The following TENM3 variants were observed in gnomAD, a reference collection of about 807,000 sequenced individuals.
The protein encoded by TENM3 is teneurin transmembrane protein 3.
A neutral mutation model predicts 255.1 loss-of-function variants in TENM3; 63 were observed. That is an observed-to-expected ratio of 0.25 (90% CI 0.20 to 0.30). The LOEUF is 0.30. TENM3 is among the 10% of genes least tolerant of loss of function. The pLI is 1.00. For missense variants in TENM3, 2,929 were observed against 3,461.1 expected (o/e 0.85, Z 3.86); for synonymous variants, 1,306 against 1,322.3 (o/e 0.99, Z 0.27).
chr4:181,763,908 C>T, the TENM3 span, among the ~76,000 whole-genome samples: 3 of 152,184 alleles, frequency 2.0e-5, no homozygotes, highest in South Asian at 2.1e-4. Context: ...TGTTGACATA[C>T]ACATTGGCAG....
At chr4:181,750,327 A>G in the TENM3 span, among the ~76,000 whole-genome samples, 1 of 152,152 alleles carries the variant, frequency 6.6e-6, no homozygotes, top group Non-Finnish European at 1.5e-5. Context: ...AAATGATGAA[A>G]AAGTTAGGGA....
intron 3 of TENM3, among the ~76,000 whole-genome samples, chr4:182,360,211 G>A (rs2150770448): frequency 7.6e-6 from 1 of 132,370 alleles, no homozygotes; most frequent in South Asian, 2.9e-4. Flanking sequence ...ATTTGGGGTG[G>A]AGAGTTCTGT....
At chr4:181,800,572 G>T in the TENM3 span, among the ~76,000 whole-genome samples, 1 of 152,138 alleles carries the variant, frequency 6.6e-6, no homozygotes, top group Non-Finnish European at 1.5e-5. Flanking sequence ...GGTGGAGGTT[G>T]CAGTGAGCCG....
intron 1 of TENM3, among the ~76,000 whole-genome samples, chr4:182,149,620 A>G (rs534714383): frequency 4.1e-4 from 62 of 152,020 alleles, no homozygotes; most frequent in Non-Finnish European, 7.5e-4. Context: ...GGAATCTTGG[A>G]AGAGCTAGGA....
the TENM3 span, among the ~76,000 whole-genome samples, chr4:181,758,310 GAGA>G: frequency 1.3e-5 from 2 of 152,212 alleles, no homozygotes; most frequent in African/African-American, 4.8e-5. Context: ...CAGGGGAAGG[GAGA>G]AGGAGGCTTC....
At chr4:181,525,275 G>A in the TENM3 span, among the ~76,000 whole-genome samples, 693 of 151,938 alleles carry the variant, frequency 4.6e-3, no homozygotes, top group African/African-American at 0.014. Flanking sequence ...GCCAGGTGTG[G>A]TAGCAGACAC....
the TENM3 span, among the ~76,000 whole-genome samples, chr4:182,064,849 A>T: frequency 1.3e-5 from 2 of 152,110 alleles, no homozygotes; most frequent in African/African-American, 4.8e-5. Flanking sequence ...GATTGTAGCT[A>T]ACTCCCTACA....
At chr4:181,894,230 G>C in the TENM3 span, among the ~76,000 whole-genome samples, 1 of 152,130 alleles carries the variant, frequency 6.6e-6, no homozygotes, top group African/African-American at 2.4e-5. Context: ...TTTAACTTAA[G>C]CCTACATTCT....
chr4:181,555,158 C>T, the TENM3 span, among the ~76,000 whole-genome samples: 1 of 152,152 alleles, frequency 6.6e-6, no homozygotes, highest in African/African-American at 2.4e-5. Flanking sequence ...AGACCAAACA[C>T]TTTAAATGCA....
chr4:181,654,230 GAAAA>G, the TENM3 span, among the ~76,000 whole-genome samples: 2 of 110,552 alleles, frequency 1.8e-5, no homozygotes, highest in Non-Finnish European at 1.9e-5. Flanking sequence ...CTGCCTTCAG[GAAAA>G]AAAAAAAAAA....
chr4:182,509,599 T>C (rs569263618), intron 3 of TENM3, among the ~76,000 whole-genome samples: 1 of 152,280 alleles, frequency 6.6e-6, no homozygotes, highest in Non-Finnish European at 1.5e-5. Context: ...ACAAATGCCG[T>C]GTCTAAGAAC....
chr4:182,601,029 A>C lies in TENM3; in HGVS notation c.617A>C (p.Asn206Thr). ...CCATCCATCACTTCTCTCAACAGAA[A>C]CTCCCTGACCAATAGAAGGAACCAG... Reference protein sequence around the residue: ...HHPSITSLNRNSLTNRRNQSP... With the variant: ...HHPSITSLNRTSLTNRRNQSP... Residue 206 changes from asparagine to threonine, a missense_variant, in exon 4 of 28, where the codon AAC becomes ACC. This residue lies in a region of TENM3 where 283 missense variants were observed against 256.9 expected (regional missense o/e 1.10). Transcript: ENST00000511685. 1.2e-6 allele frequency: 2 copies of C among 1,612,542 alleles called. No homozygotes were observed. The highest frequency in any genetic ancestry group is 1.7e-6 in the Non-Finnish European group (2 of 1,179,650).
At position 182,792,946 on chromosome 4, in the gene TENM3, T is replaced by C; in HGVS notation, c.6274T>C (p.Tyr2092His). The change falls in exon 26 of 28, where the codon TAT (tyrosine) becomes CAT (histidine). Residue 2092 changes from tyrosine to histidine, a missense_variant. By Grantham distance (83) the Tyr-to-His change is moderately conservative. Around this residue, in one of 6 missense-constraint regions of TENM3, gnomAD observed 256 missense variants for 389.3 expected, o/e 0.66. Coordinates refer to ENST00000511685, the MANE Select transcript of TENM3 (RefSeq NM_001080477.4). This position sits in a 1 kb window ranked among gnomAD's most constrained non-coding sequence, Gnocchi z 6.3. ...DAHGRIKEIQ[Y>H]EIFRSLMYWI... The stretch of plus-strand genomic sequence containing the variant: ...TCATGGCCGTATCAAGGAGATTCAA[T>C]ATGAGATATTCAGGTCGCTCATGTA... 1 of 1,613,848 alleles carries C rather than the reference T, an allele frequency of 6.2e-7. No individual in the cohort carries two copies. Among genetic ancestry groups the C allele is most frequent in the Non-Finnish European group, 8.5e-7 (1 of 1,179,814 alleles).
the TENM3 span, among the ~76,000 whole-genome samples, chr4:182,109,729 A>G: frequency 3.9e-5 from 6 of 152,360 alleles, no homozygotes; most frequent in African/African-American, 1.4e-4. Flanking sequence ...ACCTTGTAAC[A>G]GTAAGTACTC....
chr4:181,456,823 A>G, the TENM3 span, among the ~76,000 whole-genome samples: 1 of 152,034 alleles, frequency 6.6e-6, no homozygotes, highest in South Asian at 2.1e-4. Context: ...ACAAGACTAC[A>G]TTTATAATTG....
At chr4:182,509,893 C>G (rs1046548063) in intron 3 of TENM3, among the ~76,000 whole-genome samples, 14 of 147,020 alleles carry the variant, frequency 9.5e-5, no homozygotes, top group Non-Finnish European at 1.9e-4. Flanking sequence ...GCCGAGACTG[C>G]GCCATTGCAC....
At chr4:182,076,975 C>A in the TENM3 span, among the ~76,000 whole-genome samples, 2 of 152,294 alleles carry the variant, frequency 1.3e-5, no homozygotes, top group Non-Finnish European at 2.9e-5. Flanking sequence ...AATAAATGTT[C>A]ATTAGAGGAT....
At chr4:181,713,471 T>G in the TENM3 span, among the ~76,000 whole-genome samples, 2 of 152,156 alleles carry the variant, frequency 1.3e-5, no homozygotes, top group Non-Finnish European at 2.9e-5. Context: ...TTGTAGTATC[T>G]CCTTTGTTGT....
the TENM3 span, among the ~76,000 whole-genome samples, chr4:181,983,549 T>G: frequency 0.024 from 3,684 of 152,234 alleles, 173 homozygotes; most frequent in African/African-American, 0.084. Flanking sequence ...TTAGAAAACC[T>G]AGGCTTGCTA....
Sources: gnomAD v4.1 joint callset for allele counts (sites outside exome capture counted in the v4.1 genomes callset) on GRCh38, gnomAD v4.1.1 for gene constraint, gnomAD v4.1.1 regional missense constraint, Gnocchi (gnomAD v3.1) non-coding constraint, MANE v1.5 for transcripts, NCBI Gene and HGNC (gene_info 2026-07-23, HGNC 2026-07-21) for gene names.